KCND2: variants seen among roughly 807,000 people sequenced by gnomAD.
The protein encoded by KCND2 is potassium voltage-gated channel subfamily D member 2, also known as A-type voltage-gated potassium channel KCND2.
Under a neutral mutation model 54.4 loss-of-function variants are expected in KCND2, and 16 were observed. That is an observed-to-expected ratio of 0.29 (90% confidence interval 0.20 to 0.45). KCND2 has a LOEUF of 0.45. Among genes scored for constraint, KCND2 ranks in the 20% least tolerant of loss-of-function variants. The pLI, the probability that KCND2 is intolerant of heterozygous loss-of-function variation, is 1.00. For synonymous variants in KCND2, 317 were observed against 310.7 expected (o/e 1.02, Z -0.21); for missense variants, 486 against 824.2 (o/e 0.59, Z 5.02).
chr7:120,628,041 TA>T (rs555890692), intron 1 of KCND2, among the ~76,000 whole-genome samples: 16 of 152,038 alleles, frequency 1.1e-4, no homozygotes, highest in African/African-American at 3.4e-4. Context: ...ATTTGACATT[TA>T]AAAAAAATGC....
At chr7:120,326,690 C>A (rs889140538) in intron 1 of KCND2, among the ~76,000 whole-genome samples, 2 of 151,984 alleles carry the variant, frequency 1.3e-5, no homozygotes, top group African/African-American at 4.8e-5. Flanking sequence ...ACATGTTCTG[C>A]AAATATGTAT....
chr7:120,450,179 G>A (rs1461869496), intron 1 of KCND2, among the ~76,000 whole-genome samples: 5 of 152,170 alleles, frequency 3.3e-5, no homozygotes, highest in Admixed American at 2.0e-4. Context: ...TTTTGAGGCC[G>A]AGGCGGGTGG....
chr7:120,724,889 A>G (rs946720819), intron 1 of KCND2, among the ~76,000 whole-genome samples: 6 of 152,228 alleles, frequency 3.9e-5, no homozygotes, highest in African/African-American at 1.4e-4. Context: ...TGTTAAAAAC[A>G]TGGCTCTGAA....
At chr7:120,319,806 C>T (rs1799867161) in intron 1 of KCND2, among the ~76,000 whole-genome samples, 1 of 152,118 alleles carries the variant, frequency 6.6e-6, no homozygotes, top group Admixed American at 6.6e-5. Flanking sequence ...ATCCATTTAA[C>T]ATAGTAGAAG....
At chr7:120,309,480 C>T (rs35921449) in intron 1 of KCND2, among the ~76,000 whole-genome samples, 7,110 of 54,074 alleles carry the variant, frequency 0.13, 285 homozygotes, top group Non-Finnish European at 0.22. Context: ...TATATACACA[C>T]ACACACACAC....
At chr7:120,448,658 T>G in intron 1 of KCND2, among the ~76,000 whole-genome samples, 1 of 152,122 alleles carries the variant, frequency 6.6e-6, no homozygotes, top group East Asian at 1.9e-4. Flanking sequence ...TGATGAACAT[T>G]GATGCAAAAA....
At chr7:120,648,444 TAGAGA>T (rs888460215) in intron 1 of KCND2, among the ~76,000 whole-genome samples, 3 of 151,574 alleles carry the variant, frequency 2.0e-5, no homozygotes, top group Non-Finnish European at 4.4e-5. Flanking sequence ...GACATCGAAA[TAGAGA>T]AGAGGAGTGT....
At chr7:120,281,181 A>C (rs561540530) in intron 1 of KCND2, among the ~76,000 whole-genome samples, 1 of 152,154 alleles carries the variant, frequency 6.6e-6, no homozygotes, top group Non-Finnish European at 1.5e-5. Context: ...CTTTCATTGA[A>C]AGAACACAAA....
intron 1 of KCND2, among the ~76,000 whole-genome samples, chr7:120,338,155 C>A (rs1461896274): frequency 6.6e-6 from 1 of 152,128 alleles, no homozygotes; most frequent in East Asian, 1.9e-4. Context: ...TGTCTCATGT[C>A]ATTTTATCAC....
intron 1 of KCND2, among the ~76,000 whole-genome samples, chr7:120,623,232 C>T (rs1793123828): frequency 6.6e-6 from 1 of 152,086 alleles, no homozygotes; most frequent in Non-Finnish European, 1.5e-5. Flanking sequence ...AACATTGGAC[C>T]AAATATAGGC....
intron 2 of KCND2, among the ~76,000 whole-genome samples, chr7:120,740,008 A>G (rs1021241496): frequency 6.6e-6 from 1 of 152,132 alleles, no homozygotes; most frequent in African/African-American, 2.4e-5. Flanking sequence ...TATATTATAC[A>G]TTCATTAAAA....
At chr7:120,736,285 G>A (rs1015548795) in intron 2 of KCND2, among the ~76,000 whole-genome samples, 1 of 151,848 alleles carries the variant, frequency 6.6e-6, no homozygotes, top group Non-Finnish European at 1.5e-5. Context: ...GTCCACTCCT[G>A]CCATATACAG....
chr7:120,538,362 A>T (rs78874049), intron 1 of KCND2, among the ~76,000 whole-genome samples: 1,548 of 152,322 alleles, frequency 0.01, 17 homozygotes, highest in African/African-American at 0.034. Context: ...ATAATGAAAA[A>T]GCTTGAAATA....
At chr7:120,692,972 A>G (rs1792289946) in intron 1 of KCND2, among the ~76,000 whole-genome samples, 1 of 152,232 alleles carries the variant, frequency 6.6e-6, no homozygotes, top group South Asian at 2.1e-4. Flanking sequence ...TATTCATTTA[A>G]TCAAAGGAAG....
intron 1 of KCND2, among the ~76,000 whole-genome samples, chr7:120,313,164 C>CT (rs1799764145): frequency 6.6e-6 from 1 of 152,118 alleles, no homozygotes; most frequent in Non-Finnish European, 1.5e-5. Context: ...ATGAAATTTT[C>CT]TTTATCTGGC....
chr7:120,601,051 T>A (rs1792807460), intron 1 of KCND2, among the ~76,000 whole-genome samples: 1 of 152,108 alleles, frequency 6.6e-6, no homozygotes, highest in South Asian at 2.1e-4. Context: ...CAGTTAATAA[T>A]CACTATAAAC....
chr7:120,555,311 T>G (rs1041831575), intron 1 of KCND2, among the ~76,000 whole-genome samples: 1 of 152,190 alleles, frequency 6.6e-6, no homozygotes. Flanking sequence ...CATATTCATA[T>G]TTTTTCCTCC....
intron 1 of KCND2, among the ~76,000 whole-genome samples, chr7:120,410,777 A>G (rs1302172770): frequency 7.1e-6 from 1 of 140,470 alleles, no homozygotes; most frequent in African/African-American, 2.7e-5. Flanking sequence ...ATTCCCACCT[A>G]TGAGTAATAA....
chr7:120,472,395 T>C (rs1802470448), intron 1 of KCND2, among the ~76,000 whole-genome samples: 2 of 152,056 alleles, frequency 1.3e-5, no homozygotes. Context: ...TACCTGGATT[T>C]AGAGCTCATT....
Sources: allele counts gnomAD v4.1 joint callset (sites outside exome capture counted in the v4.1 genomes callset), GRCh38; gene constraint gnomAD v4.1.1; transcripts MANE v1.5; gene names NCBI Gene and HGNC (gene_info 2026-07-23, HGNC 2026-07-21).